The following HNF4G variants were observed in gnomAD, a reference collection of about 807,000 sequenced individuals.
The protein encoded by HNF4G is hepatocyte nuclear factor 4 gamma.
In HNF4G, 21 loss-of-function variants were observed where a neutral mutation model predicts 50.9. That is an observed-to-expected ratio of 0.41 (90% CI 0.29 to 0.59). HNF4G has a LOEUF of 0.59. Ranked by LOEUF, HNF4G falls within the 20% of genes least tolerant of loss-of-function variation. The pLI, the probability that HNF4G is intolerant of heterozygous loss-of-function variation, is 0.26. For synonymous variants in HNF4G, 198 were observed against 185.6 expected, an observed-to-expected ratio of 1.07 and a Z score of -0.54; for missense variants, 527 against 559.4, an observed-to-expected ratio of 0.94 and a Z score of 0.58.
At chr8:75,409,480 C>CTTTTTTTTTTTTTT (rs5892492) in intron 1 of HNF4G, among the ~76,000 whole-genome samples, 3 of 67,346 alleles carry the variant, frequency 4.5e-5, no homozygotes, top group Admixed American at 2.2e-4. Flanking sequence ...GTGCCTTGTT[C>CTTTTTTTTTTTTTT]TTTTTTTTTT....
chr8:75,544,387 T>C (rs1439308617), intron 2 of HNF4G, among the ~76,000 whole-genome samples: 1 of 152,194 alleles, frequency 6.6e-6, no homozygotes, highest in African/African-American at 2.4e-5. Context: ...AAAATCTGCA[T>C]TTAAAAGGTT....
In HNF4G at chr8:75,497,261, CT is replaced by C. The variant is rs933329606; in HGVS notation, c.-24+7054del. Among the ~76,000 whole-genome samples, 85 of 152,250 alleles carry C rather than the reference CT, an allele frequency of 5.6e-4. 1 individual carries two copies. The highest frequency in any genetic ancestry group is 1.9e-3 in the African/African-American group (77 of 41,562). Reference sequence around the variant, plus strand: ...TTTTGTCAAGCAGAGGACACCACATCTGATTCCTTGTAAAAGGAAGTCATAA... The same window carrying C: ...TTTTGTCAAGCAGAGGACACCACATCGATTCCTTGTAAAAGGAAGTCATAA... On this transcript the variant is annotated intron_variant, in intron 2 of 10. Coordinates refer to the HNF4G transcript ENST00000354370.
At position 75,564,775 on chromosome 8, in the gene HNF4G, C is replaced by A. The variant is rs887994056; in HGVS notation, c.*679C>A. The A allele has an allele frequency of 6.6e-6, 1 of 152,188 alleles. No homozygotes were observed. The highest frequency in any genetic ancestry group is 2.4e-5 in the African/African-American group (1 of 41,454). 9.4% of individuals were successfully genotyped at this position (152,188 alleles called of 1,614,324 possible). A position where few individuals can be genotyped will look rare whatever the true frequency, so the allele number is the denominator to read the frequency against. On this transcript the variant is annotated 3_prime_UTR_variant, in exon 10 of 10. Transcript: ENST00000396423. Reference sequence around the variant, plus strand: ...CATGTTGCTTTTATCAGTTAGGATACAGGGTGAACTGTAACAAAGAAACCC... The same window carrying A: ...CATGTTGCTTTTATCAGTTAGGATAAAGGGTGAACTGTAACAAAGAAACCC...
At chr8:75,441,548 A>G (rs1010773043) in intron 1 of HNF4G, among the ~76,000 whole-genome samples, 1 of 152,150 alleles carries the variant, frequency 6.6e-6, no homozygotes, top group Non-Finnish European at 1.5e-5. Flanking sequence ...CCCGGCCTTT[A>G]TAACACATTT....
intron 4 of HNF4G, 63 bp downstream of exon 4, chr8:75,551,557 T>C: frequency 1.1e-6 from 1 of 941,150 alleles, no homozygotes; most frequent in Non-Finnish European, 1.7e-6. Flanking sequence ...GTAGGCATCA[T>C]GCTAAAATAA....
At chr8:75,457,107 T>C (rs1811741639) in intron 1 of HNF4G, among the ~76,000 whole-genome samples, 1 of 152,178 alleles carries the variant, frequency 6.6e-6, no homozygotes, top group South Asian at 2.1e-4. Flanking sequence ...AACAGATCCA[T>C]TGGCTAATGA....
At chr8:75,541,693 CATATATTTAATATCTTTTGAATGCAT>C (rs1395010213) in intron 1 of HNF4G, among the ~76,000 whole-genome samples, 1 of 151,938 alleles carries the variant, frequency 6.6e-6, no homozygotes, top group Non-Finnish European at 1.5e-5. Flanking sequence ...AGTTTTATTA[CATATATTTAATATCTTTTGAATGCAT>C]ATAGATTTTT....
upstream of HNF4G, among the ~76,000 whole-genome samples, chr8:75,535,935 T>C (rs191198556): frequency 3.0e-3 from 462 of 152,064 alleles, 3 homozygotes; most frequent in African/African-American, 0.011. Context: ...CACTGCTTGT[T>C]ATGTTGCTCT....
chr8:75,552,398 C>T (rs1806984768), intron 4 of HNF4G, among the ~76,000 whole-genome samples: 1 of 152,094 alleles, frequency 6.6e-6, no homozygotes, highest in African/African-American at 2.4e-5. Flanking sequence ...ACTGTGTTTT[C>T]TTTCAGCAGA....
At chr8:75,559,484 G>C (rs541113832) in intron 8 of HNF4G, among the ~76,000 whole-genome samples, 12 of 152,064 alleles carry the variant, frequency 7.9e-5, no homozygotes, top group African/African-American at 2.9e-4. Context: ...GTGTTGATTA[G>C]GATGGTCTTG....
intron 2 of HNF4G, among the ~76,000 whole-genome samples, chr8:75,500,659 A>T (rs1485653051): frequency 6.6e-6 from 1 of 152,156 alleles, no homozygotes; most frequent in Non-Finnish European, 1.5e-5. Flanking sequence ...GGTTATATTC[A>T]TATAATAGAA....
intron 2 of HNF4G, among the ~76,000 whole-genome samples, chr8:75,502,140 C>G (rs907827357): frequency 1.3e-5 from 2 of 152,028 alleles, no homozygotes; most frequent in Non-Finnish European, 2.9e-5. Context: ...CGTGAGCCAC[C>G]GCGCCTGGCC....
chr8:75,486,756 C>T (rs893904360), intron 1 of HNF4G, among the ~76,000 whole-genome samples: 2 of 152,166 alleles, frequency 1.3e-5, no homozygotes, highest in Non-Finnish European at 2.9e-5. Flanking sequence ...GTAATCCCAG[C>T]GCTTCGGGAG....
intron 1 of HNF4G, chr8:75,408,195 T>C (rs1810409653): frequency 6.6e-6 from 1 of 152,344 alleles, no homozygotes; most frequent in Non-Finnish European, 1.5e-5. Flanking sequence ...GACCGGGGAA[T>C]TGAAAGGTGC....
chr8:75,446,673 C>A, intron 1 of HNF4G, among the ~76,000 whole-genome samples: 1 of 55,856 alleles, frequency 1.8e-5, no homozygotes, highest in Non-Finnish European at 3.2e-5. Flanking sequence ...AGTGAACTCC[C>A]ATTCACAATT....
chr8:75,547,826 A>G (rs1806832728), intron 3 of HNF4G, 145 bp downstream of exon 3: 2 of 612,850 alleles, frequency 3.3e-6, no homozygotes, highest in Non-Finnish European at 5.8e-6. Context: ...CTCAAGTTAA[A>G]GAATTTAGCC....
intron 1 of HNF4G, among the ~76,000 whole-genome samples, chr8:75,449,403 A>T (rs895989131): frequency 7.8e-6 from 1 of 128,930 alleles, no homozygotes; most frequent in Non-Finnish European, 1.5e-5. Context: ...AAAAAAACAA[A>T]TTTTTGGTGT....
Position 75,564,353 on chromosome 8 carries a change from G to T in HNF4G, c.*257G>T. 9.4e-6 allele frequency: 3 copies of T among 317,896 alleles called. No individual in the cohort carries two copies. The allele number at this position is 317,896 out of a possible 1,614,324, so 19.7% of individuals were successfully genotyped here. On this transcript the variant is annotated 3_prime_UTR_variant, in exon 10 of 10. Transcript: ENST00000396423. ...TTTTTTCCAACTGCCCCTGCATTGTGCCTGAACCAATTGAATCTTATGTAT... is the reference window on the plus strand; with the variant it reads ...TTTTTTCCAACTGCCCCTGCATTGTTCCTGAACCAATTGAATCTTATGTAT...
At chr8:75,459,887 A>G (rs190710357) in intron 1 of HNF4G, among the ~76,000 whole-genome samples, 17 of 151,756 alleles carry the variant, frequency 1.1e-4, no homozygotes, top group Non-Finnish European at 1.8e-4. Context: ...TAATTCACAT[A>G]CAAATGGAAA....
Sources: allele counts gnomAD v4.1 joint callset (sites outside exome capture counted in the v4.1 genomes callset), GRCh38; gene constraint gnomAD v4.1.1; transcripts MANE v1.5; gene names NCBI Gene and HGNC (gene_info 2026-07-23, HGNC 2026-07-21).